The following SCAPER variants were observed in gnomAD, a reference collection of about 807,000 sequenced individuals.
The protein encoded by SCAPER is S phase cyclin A-associated protein in the endoplasmic reticulum.
SCAPER carries 98 observed loss-of-function variants against 182.2 expected under a neutral mutation model. That is an observed-to-expected ratio of 0.54 (90% CI 0.46 to 0.64). SCAPER has a LOEUF of 0.64. Ranked by LOEUF, SCAPER falls within the 30% of genes least tolerant of loss-of-function variation. The pLI is 0.00. For synonymous variants in SCAPER, 605 were observed against 564.6 expected, an observed-to-expected ratio of 1.07 and a Z score of -1.01; for missense variants, 1,432 against 1,690.0, an observed-to-expected ratio of 0.85 and a Z score of 2.68.
In SCAPER at chr15:76,822,161, G is replaced by A. The variant is rs544619520; in HGVS notation, c.394-17528C>T. ...AACATAAATGTAAACTATGGACTTG[G>A]GAATGATAATGATTTGTCAACACAG... On this transcript the variant is annotated intron_variant, in intron 5 of 31. Transcript: ENST00000563290. Among the ~76,000 whole-genome samples, 4 of 152,212 alleles carry A rather than the reference G, an allele frequency of 2.6e-5. No homozygotes were observed. In the East Asian group the frequency reaches 7.7e-4, roughly 29 times the overall value.
chr15:76,435,087 T>C (rs1596601395), intron 25 of SCAPER, among the ~76,000 whole-genome samples: 1 of 152,200 alleles, frequency 6.6e-6, no homozygotes, highest in African/African-American at 2.4e-5. Context: ...GAGGAATAAA[T>C]GATCACTTGG....
chr15:76,369,810 C>T (rs1335979190), intron 29 of SCAPER, among the ~76,000 whole-genome samples: 1 of 152,234 alleles, frequency 6.6e-6, no homozygotes, highest in Non-Finnish European at 1.5e-5. Flanking sequence ...CAAGCTGTGG[C>T]TATTCCTATA....
At chr15:76,446,589 C>T (rs1022596203) in intron 25 of SCAPER, among the ~76,000 whole-genome samples, 1 of 152,132 alleles carries the variant, frequency 6.6e-6, no homozygotes, top group Admixed American at 6.5e-5. Context: ...TCTCTTCAGG[C>T]AAGCTCAATA....
chr15:76,768,837 A>AT (rs1326441777), intron 10 of SCAPER, among the ~76,000 whole-genome samples: 14 of 151,104 alleles, frequency 9.3e-5, no homozygotes, highest in African/African-American at 2.4e-4. Flanking sequence ...AAAAAAAAAA[A>AT]AAATATATAT....
intron 23 of SCAPER, among the ~76,000 whole-genome samples, chr15:76,556,667 T>C (rs1361166798): frequency 6.6e-6 from 1 of 151,670 alleles, no homozygotes; most frequent in African/African-American, 2.4e-5. Flanking sequence ...CCTCCCAAGA[T>C]GAACCAGGAA....
rs569406793 is a variant in SCAPER at position 76,743,790 on chromosome 15, T to C, written c.1866+10018A>G. ...TTCACAAAATTAGAAAAAAAACTAT[T>C]CTAAAATTCGTATGGAACCAAAAAA... On this transcript the variant is annotated intron_variant, in intron 15 of 31. Transcript: ENST00000563290. Among the ~76,000 whole-genome samples the C allele has an allele frequency of 4.6e-5, 7 of 152,120 alleles. No individual in the cohort carries two copies. The South Asian group carries it at 1.5e-3, about 32-fold the overall frequency.
intron 24 of SCAPER, among the ~76,000 whole-genome samples, chr15:76,484,701 T>G (rs2051451385): frequency 1.3e-5 from 2 of 152,002 alleles, no homozygotes; most frequent in African/African-American, 4.8e-5. Context: ...ATCAAAAAGC[T>G]TATCCACCAC....
intron 1 of SCAPER, among the ~76,000 whole-genome samples, chr15:76,891,223 G>A (rs1192782463): frequency 6.6e-6 from 1 of 152,070 alleles, no homozygotes; most frequent in African/African-American, 2.4e-5. Flanking sequence ...ATACCGAATG[G>A]GCAAAAACTG....
Position 76,771,893 on chromosome 15 carries a change from C to A in SCAPER, c.1097G>T (p.Arg366Leu). The A allele has an allele frequency of 6.2e-7, 1 of 1,612,882 alleles. No individual in the cohort carries two copies. The highest frequency in any genetic ancestry group is 8.5e-7 in the Non-Finnish European group (1 of 1,179,402). The change falls in exon 10 of 32, where the codon CGA (arginine) becomes CTA (leucine). Residue 366 changes from arginine (R) to leucine (L), a missense_variant. Arg to Leu is a moderately radical substitution (Grantham distance 102, BLOSUM62 -2). This residue lies in a region of SCAPER where 480 missense variants were observed against 510.2 expected (regional missense o/e 0.94). Transcript: ENST00000563290. ...NSGSIRDNYV[R>L]TSEISAVHID... ...GTGGACAGCAGATATTTCAGAAGTT[C>A]GAACATAATTGTCTCGAATACTGCC...
intron 21 of SCAPER, among the ~76,000 whole-genome samples, chr15:76,647,623 C>T (rs966253411): frequency 1.6e-4 from 24 of 152,226 alleles, no homozygotes; most frequent in Admixed American, 9.2e-4. Context: ...AGAAGGTCTA[C>T]AAATCTTCAG....
intron 20 of SCAPER, among the ~76,000 whole-genome samples, chr15:76,667,190 G>T (rs888641581): frequency 6.6e-6 from 1 of 152,030 alleles, no homozygotes; most frequent in African/African-American, 2.4e-5. Context: ...GGTCAGTAAC[G>T]CCAGTGGCCA....
chr15:76,543,292 T>C (rs1232843764), intron 23 of SCAPER, among the ~76,000 whole-genome samples: 1 of 152,184 alleles, frequency 6.6e-6, no homozygotes, highest in African/African-American at 2.4e-5. Flanking sequence ...TTTTACTGTG[T>C]TTTAGTACAG....
intron 4 of SCAPER, among the ~76,000 whole-genome samples, chr15:76,852,262 C>T (rs1249871956): frequency 1.3e-5 from 2 of 152,210 alleles, no homozygotes; most frequent in Non-Finnish European, 2.9e-5. Context: ...CAGTACTCCA[C>T]TGGCAGTGTT....
At chr15:76,767,231 C>T in intron 10 of SCAPER, 143 bp from the exon 11 acceptor site, 2 of 786,430 alleles carry the variant, frequency 2.5e-6, no homozygotes, top group South Asian at 1.9e-5. Flanking sequence ...TCCATACAGG[C>T]TCATCCACTT....
chr15:76,473,318 A>G lies in SCAPER; in HGVS notation c.2955-1983T>C, dbSNP rs145395556. ...ATTATCTGCCCATGTCCTGCCTGAA[A>G]TACCCTGATTGTTTATGGAAAGTAA... On this transcript the variant is annotated intron_variant, in intron 24 of 31. Transcript: ENST00000563290. Among the ~76,000 whole-genome samples the G allele has an allele frequency of 1.6e-4, 24 of 152,344 alleles. No individual in the cohort carries two copies. In the East Asian group the frequency reaches 2.7e-3, roughly 17 times the overall value.
intron 21 of SCAPER, among the ~76,000 whole-genome samples, chr15:76,629,190 C>A (rs1021300560): frequency 2.0e-5 from 3 of 152,238 alleles, no homozygotes; most frequent in Admixed American, 2.0e-4. Flanking sequence ...GATATAGGAT[C>A]ATGTCATCTG....
At chr15:76,865,553 G>C (rs1206960365) in intron 2 of SCAPER, among the ~76,000 whole-genome samples, 1 of 152,096 alleles carries the variant, frequency 6.6e-6, no homozygotes, top group Non-Finnish European at 1.5e-5. Context: ...GGATTTTTAA[G>C]ATGAGTGATA....
At chr15:76,879,261 A>G (rs1164857039) in intron 2 of SCAPER, among the ~76,000 whole-genome samples, 1 of 152,166 alleles carries the variant, frequency 6.6e-6, no homozygotes. Flanking sequence ...CTTCTTCCCT[A>G]GCATTCATTC....
At chr15:76,497,785 G>A (rs986402591) in intron 24 of SCAPER, among the ~76,000 whole-genome samples, 1 of 151,830 alleles carries the variant, frequency 6.6e-6, no homozygotes, top group Non-Finnish European at 1.5e-5. Flanking sequence ...GAGGTCACGA[G>A]ATCGAGACCA....
Sources: allele counts gnomAD v4.1 joint callset (sites outside exome capture counted in the v4.1 genomes callset), GRCh38; gene constraint gnomAD v4.1.1; regional missense constraint gnomAD v4.1.1; transcripts MANE v1.5; gene names NCBI Gene and HGNC (gene_info 2026-07-23, HGNC 2026-07-21).